RALY: variants seen among roughly 807,000 people sequenced by gnomAD.
The protein encoded by RALY is RALY heterogeneous nuclear ribonucleoprotein.
RALY carries 15 observed loss-of-function variants against 30.7 expected under a neutral mutation model. The ratio of observed to expected loss-of-function variants is 0.49; its 90% CI spans 0.33 to 0.75. RALY has a LOEUF of 0.75. Ranked by LOEUF, RALY falls within the 30% of genes least tolerant of loss-of-function variation. The probability of loss-of-function intolerance (pLI) is 0.02; values close to 1 mark genes in which losing one functional copy is unlikely to be tolerated. For missense variants in RALY, 339 were observed against 414.3 expected (o/e 0.82, Z 1.58); for synonymous variants, 177 against 170.8 (o/e 1.04, Z -0.28).
chr20:34,021,475 C>T (rs972189936), intron 1 of RALY, among the ~76,000 whole-genome samples: 3 of 152,168 alleles, frequency 2.0e-5, no homozygotes, highest in African/African-American at 4.8e-5. Context: ...GCTGAACTCA[C>T]TTTTATAATA....
At chr20:34,014,565 T>C (rs968394630) in intron 1 of RALY, among the ~76,000 whole-genome samples, 6 of 152,232 alleles carry the variant, frequency 3.9e-5, no homozygotes, top group African/African-American at 1.4e-4. Flanking sequence ...TGGAGTATTA[T>C]GTTTAACTGG....
chr20:34,038,158 C>CATTAAAACTAAAGAAGATCCTT (rs2032571293), intron 2 of RALY, among the ~76,000 whole-genome samples: 1 of 152,138 alleles, frequency 6.6e-6, no homozygotes. Flanking sequence ...CCCCAGTTTT[C>CATTAAAACTAAAGAAGATCCTT]ATTAAAACTA....
chr20:34,008,243 T>G (rs2031248193), intron 1 of RALY, among the ~76,000 whole-genome samples: 1 of 152,162 alleles, frequency 6.6e-6, no homozygotes, highest in African/African-American at 2.4e-5. Flanking sequence ...TTTTTTTCTC[T>G]TGTGTTTGGC....
At chr20:34,003,536 G>A (rs1424344059) in intron 1 of RALY, among the ~76,000 whole-genome samples, 1 of 152,020 alleles carries the variant, frequency 6.6e-6, no homozygotes, top group Non-Finnish European at 1.5e-5. Flanking sequence ...AAGACTGGAG[G>A]TGAACTGTTC....
In RALY at chr20:34,077,071, CGGTGGTGGTGGCAGCGGTGGCGGT is replaced by C. The variant is rs1225689816; in HGVS notation, c.705_728del (p.Gly236_Gly243del). 1 of 1,597,006 alleles carries C rather than the reference CGGTGGTGGTGGCAGCGGTGGCGGT, an allele frequency of 6.3e-7. No individual in the cohort carries two copies. Among genetic ancestry groups the C allele is most frequent in the Non-Finnish European group, 8.5e-7 (1 of 1,170,836 alleles). ...ATGGAGGTGGCGCCGGCGGCGGCGG[CGGTGGTGGTGGCAGCGGTGGCGGT>C]GGCAGTGGTGGTGGCGGTGGCGGTG... is the stretch of plus-strand genomic sequence containing the variant. On this transcript the variant is annotated inframe_deletion, in exon 8 of 10. Transcript: ENST00000246194.
intron 2 of RALY, among the ~76,000 whole-genome samples, chr20:34,054,638 C>A (rs1405732603): frequency 6.6e-6 from 1 of 152,026 alleles, no homozygotes; most frequent in Non-Finnish European, 1.5e-5. Context: ...CCAGCCTGAC[C>A]AATGTGGTGA....
intron 1 of RALY, among the ~76,000 whole-genome samples, chr20:34,013,950 G>C (rs1254038090): frequency 6.6e-6 from 1 of 152,088 alleles, no homozygotes; most frequent in Non-Finnish European, 1.5e-5. Context: ...CTTAATTTGG[G>C]GGTGACTAAA....
At chr20:34,010,361 T>C (rs1014493588) in intron 1 of RALY, among the ~76,000 whole-genome samples, 1 of 152,146 alleles carries the variant, frequency 6.6e-6, no homozygotes, top group Non-Finnish European at 1.5e-5. Flanking sequence ...CCTGAGTAGC[T>C]GGGACTACAG....
intron 1 of RALY, among the ~76,000 whole-genome samples, chr20:34,003,470 C>T (rs1026234175): frequency 1.3e-5 from 2 of 151,876 alleles, no homozygotes; most frequent in Non-Finnish European, 2.9e-5. Flanking sequence ...CAGCTGGTCT[C>T]TGGGATTGGG....
intron 1 of RALY, among the ~76,000 whole-genome samples, chr20:34,026,094 C>A (rs1320216360): frequency 1.3e-5 from 2 of 151,970 alleles, no homozygotes; most frequent in African/African-American, 2.4e-5. Flanking sequence ...AGAGGAAGAA[C>A]CTGCTTGTCT....
chr20:33,994,525 A>G (rs1358985612), intron 1 of RALY, among the ~76,000 whole-genome samples: 1 of 152,214 alleles, frequency 6.6e-6, no homozygotes, highest in Non-Finnish European at 1.5e-5. Flanking sequence ...GGGAGGCCGC[A>G]GGCGGGCCCG....
At chr20:34,005,200 A>G (rs1226643296) in intron 1 of RALY, among the ~76,000 whole-genome samples, 1 of 152,098 alleles carries the variant, frequency 6.6e-6, no homozygotes, top group Non-Finnish European at 1.5e-5. Context: ...CGAGGAGACT[A>G]GTCGAGTAGT....
intron 2 of RALY, among the ~76,000 whole-genome samples, chr20:34,033,903 A>G (rs1391074811): frequency 6.6e-6 from 1 of 152,044 alleles, no homozygotes; most frequent in Non-Finnish European, 1.5e-5. Flanking sequence ...GGCCCTACCC[A>G]TAGCTTAGTC....
intron 1 of RALY, among the ~76,000 whole-genome samples, chr20:33,994,853 T>G (rs1363253516): frequency 1.3e-5 from 2 of 152,234 alleles, no homozygotes; most frequent in Admixed American, 1.3e-4. Context: ...TAATGAGACT[T>G]CACCCAGGAA....
intron 1 of RALY, among the ~76,000 whole-genome samples, chr20:33,997,133 G>T (rs563979001): frequency 6.6e-6 from 1 of 151,470 alleles, no homozygotes; most frequent in Admixed American, 6.6e-5. Flanking sequence ...TGTTTTTTTT[G>T]GAGACGGAGT....
At chr20:33,994,637 T>C (rs2030509666) in intron 1 of RALY, among the ~76,000 whole-genome samples, 1 of 152,244 alleles carries the variant, frequency 6.6e-6, no homozygotes, top group South Asian at 2.1e-4. Context: ...CTGGGCTCTT[T>C]GCACGCCTTG....
intron 1 of RALY, among the ~76,000 whole-genome samples, chr20:34,020,617 C>T (rs1049548197): frequency 6.6e-6 from 1 of 152,174 alleles, no homozygotes; most frequent in African/African-American, 2.4e-5. Flanking sequence ...CAAATCTAGC[C>T]CATTGCCTCT....
intron 1 of RALY, among the ~76,000 whole-genome samples, chr20:34,023,466 G>A (rs992578199): frequency 2.1e-4 from 32 of 152,118 alleles, no homozygotes; most frequent in Admixed American, 3.3e-4. Context: ...CTTACAGAGG[G>A]GTGGAGAGAG....
intron 1 of RALY, among the ~76,000 whole-genome samples, chr20:34,008,699 C>T (rs766520152): frequency 6.6e-6 from 1 of 152,202 alleles, no homozygotes; most frequent in Non-Finnish European, 1.5e-5. Context: ...TGCTCTGTTA[C>T]CCAGGCTGGA....
Sources: gnomAD v4.1 joint callset for allele counts (sites outside exome capture counted in the v4.1 genomes callset) on GRCh38, gnomAD v4.1.1 for gene constraint, MANE v1.5 for transcripts, NCBI Gene and HGNC (gene_info 2026-07-23, HGNC 2026-07-21) for gene names.